Variants in PCDHGA7 observed in about 807,000 individuals in gnomAD.
The protein encoded by PCDHGA7 is protocadherin gamma subfamily A, 7.
A neutral mutation model predicts 58.3 loss-of-function variants in PCDHGA7; 44 were observed. The ratio of observed to expected loss-of-function variants is 0.75; its 90% CI spans 0.59 to 0.97. The LOEUF is 0.97. Among genes scored for constraint, PCDHGA7 ranks in the 50% least tolerant of loss-of-function variants. The pLI is 0.00. For synonymous variants in PCDHGA7, 516 were observed against 504.2 expected, an observed-to-expected ratio of 1.02 and a Z score of -0.31; for missense variants, 1,266 against 1,188.7, an observed-to-expected ratio of 1.06 and a Z score of -0.96.
Position 141,436,164 on chromosome 5 carries a change from A to G in PCDHGA7, c.2424+50841A>G, listed in dbSNP as rs896845015. Among the ~76,000 whole-genome samples, 8 of 152,188 alleles carry G rather than the reference A, an allele frequency of 5.3e-5. No homozygotes were observed. The East Asian group carries it at 1.3e-3, about 26-fold the overall frequency. ...AACTACCAAAATGTTTATCATATGG[A>G]CAGTTCTCATATATAGTCAAATAGA... On this transcript the variant is annotated intron_variant, in intron 1 of 3. Transcript: ENST00000518325.
chr5:141,397,820 C>G (rs2093573235), intron 1 of PCDHGA7, among the ~76,000 whole-genome samples: 1 of 152,240 alleles, frequency 6.6e-6, no homozygotes, highest in Non-Finnish European at 1.5e-5. Flanking sequence ...AAAACAATTA[C>G]TGCACTGGTT....
At chr5:141,421,993 A>G in intron 1 of PCDHGA7, 1 of 1,609,190 alleles carries the variant, frequency 6.2e-7, no homozygotes, top group South Asian at 1.1e-5. Flanking sequence ...TCCAGAAAAC[A>G]TCAGCTCCGG....
chr5:141,472,980 C>CAAAAAAAAA (rs60579131), intron 1 of PCDHGA7, among the ~76,000 whole-genome samples: 30 of 86,054 alleles, frequency 3.5e-4, no homozygotes, highest in African/African-American at 5.0e-4. Context: ...GAGTGAAACT[C>CAAAAAAAAA]AAAAAAAAAA....
rs767330174 is a variant in PCDHGA7, at chr5:141,491,818, C to T, written c.2425-2989C>T. The T allele has an allele frequency of 1.6e-5, 24 of 1,481,560 alleles. No homozygotes were observed. The highest frequency in any genetic ancestry group is 1.9e-5 in the Non-Finnish European group (21 of 1,116,446). 91.8% of individuals were successfully genotyped at this position (1,481,560 alleles called of 1,614,324 possible). A position where few individuals can be genotyped will look rare whatever the true frequency, so the allele number is the denominator to read the frequency against. On this transcript the variant is annotated intron_variant, in intron 1 of 3. Transcript: ENST00000518325. This position sits in a 1 kb window ranked among gnomAD's most constrained non-coding sequence, Gnocchi z 6.9. ...CTCCGGCCGGCTTGGTCGCTGGCTGCGCTCCACCCGATTCTCGGGATCATT... is the reference window on the plus strand; with the variant it reads ...CTCCGGCCGGCTTGGTCGCTGGCTGTGCTCCACCCGATTCTCGGGATCATT...
In PCDHGA7 at chr5:141,409,431, T is replaced by C. The variant is rs191277647; in HGVS notation, c.2424+24108T>C. 41 of 1,614,006 alleles carry C rather than the reference T, an allele frequency of 2.5e-5. No homozygotes were observed. In the African/African-American group the frequency reaches 3.9e-4, roughly 15 times the overall value. Reference sequence around the variant, plus strand: ...TACAAACTGGTGACAGATGGAGCCCTGGACCGAGAGCAGACACCAGAATAC... The same window carrying C: ...TACAAACTGGTGACAGATGGAGCCCCGGACCGAGAGCAGACACCAGAATAC... On this transcript the variant is annotated intron_variant, in intron 1 of 3. Transcript: ENST00000518325.
intron 1 of PCDHGA7, chr5:141,427,922 G>A: frequency 6.3e-7 from 1 of 1,580,742 alleles, no homozygotes; most frequent in Non-Finnish European, 8.6e-7. Flanking sequence ...ACATGAGCCG[G>A]CGCATGTTGG....
chr5:141,392,929 C>G, intron 1 of PCDHGA7: 2 of 1,613,888 alleles, frequency 1.2e-6, no homozygotes, highest in Non-Finnish European at 1.7e-6. Context: ...CCAGAAGAGA[C>G]GGACAAAGGC....
At chr5:141,411,097 A>C (rs2095464397) in intron 1 of PCDHGA7, 1 of 153,002 alleles carries the variant, frequency 6.5e-6, no homozygotes, top group Non-Finnish European at 1.4e-5. Flanking sequence ...TGATCCTCCC[A>C]CCTTGGCCTC....
chr5:141,462,202 C>T (rs188546035), intron 1 of PCDHGA7, among the ~76,000 whole-genome samples: 1,522 of 152,002 alleles, frequency 0.01, 33 homozygotes, highest in African/African-American at 0.034. Flanking sequence ...TCAGGTGATC[C>T]GCCTGCCTCG....
At position 141,486,778 on chromosome 5, in the gene PCDHGA7, G is replaced by A. The variant is rs750169906; in HGVS notation, c.2425-8029G>A. The A allele has an allele frequency of 1.2e-6, 2 of 1,614,104 alleles. No individual in the cohort carries two copies. Among genetic ancestry groups the A allele is most frequent in the Admixed American group, 1.7e-5 (1 of 60,006 alleles). ...AAACCCAGACACTGCAGTTTGAGGT[G>A]CAGGCCCGGGATCGGGGCAACCCAC... is the stretch of plus-strand genomic sequence containing the variant. On this transcript the variant is annotated intron_variant, in intron 1 of 3. Coordinates refer to ENST00000518325, the MANE Select transcript of PCDHGA7 (RefSeq NM_018920.4). This position sits in a 1 kb window ranked among gnomAD's most constrained non-coding sequence, Gnocchi z 5.0.
chr5:141,506,870 G>A (rs2099856877), intron 3 of PCDHGA7, among the ~76,000 whole-genome samples: 1 of 152,166 alleles, frequency 6.6e-6, no homozygotes, highest in East Asian at 1.9e-4. Flanking sequence ...GGTGGGTAGA[G>A]AACCAGGTGA....
At chr5:141,403,624 C>T (rs1269483770) in intron 1 of PCDHGA7, 3 of 1,613,924 alleles carry the variant, frequency 1.9e-6, no homozygotes. Context: ...GTCGCTCCAG[C>T]ACAGTGCGCA....
chr5:141,384,224 T>C lies in PCDHGA7; in HGVS notation c.1325T>C (p.Val442Ala), dbSNP rs753746250. 1 of 1,613,882 alleles carries C rather than the reference T, an allele frequency of 6.2e-7. No homozygotes were observed. Among genetic ancestry groups the C allele is most frequent in the Non-Finnish European group, 8.5e-7 (1 of 1,179,886 alleles). ...LSRETHIFMQVADTNDNPPTF... is the reference protein window; with the variant it reads ...LSRETHIFMQAADTNDNPPTF... ...AGGGAAACTCACATATTCATGCAGG[T>C]GGCAGACACCAACGATAACCCACCC... Residue 442 changes from valine (V) to alanine (A), a missense_variant, in exon 1 of 4, where the codon GTG becomes GCG. Coordinates refer to ENST00000518325, the MANE Select transcript of PCDHGA7 (RefSeq NM_018920.4).
chr5:141,509,144 G>C (rs969990007), intron 3 of PCDHGA7, among the ~76,000 whole-genome samples: 14 of 152,114 alleles, frequency 9.2e-5, no homozygotes, highest in Admixed American at 2.0e-4. Context: ...GGCGCATCCC[G>C]GCTCTCCCCT....
At chr5:141,396,487 G>A (rs1196823269) in intron 1 of PCDHGA7, 1 of 152,122 alleles carries the variant, frequency 6.6e-6, no homozygotes, top group Non-Finnish European at 1.5e-5. Flanking sequence ...AGGCATGGTG[G>A]CATGCGCCTG....
chr5:141,412,664 A>G (rs959517920), intron 1 of PCDHGA7: 10 of 152,288 alleles, frequency 6.6e-5, no homozygotes, highest in African/African-American at 2.4e-4. Flanking sequence ...AGACACTAAT[A>G]TGACCTAAAA....
At chr5:141,399,425 G>A (rs2093805755) in intron 1 of PCDHGA7, 1 of 1,613,990 alleles carries the variant, frequency 6.2e-7, no homozygotes. Context: ...TCCAGCATAA[G>A]CGTCATCCTA....
At chr5:141,448,782 T>C (rs2098606045) in intron 1 of PCDHGA7, among the ~76,000 whole-genome samples, 1 of 148,758 alleles carries the variant, frequency 6.7e-6, no homozygotes, top group Non-Finnish European at 1.5e-5. Flanking sequence ...GTACTAAAAA[T>C]ACAAAAAAAA....
chr5:141,419,375 T>G (rs755252910), intron 1 of PCDHGA7: 1 of 1,613,728 alleles, frequency 6.2e-7, no homozygotes, highest in Admixed American at 1.7e-5. Context: ...GTCCTACGTG[T>G]CCGTGAGCGC....
Sources: gnomAD v4.1 joint callset for allele counts (sites outside exome capture counted in the v4.1 genomes callset) on GRCh38, gnomAD v4.1.1 for gene constraint, Gnocchi (gnomAD v3.1) non-coding constraint, MANE v1.5 for transcripts, NCBI Gene and HGNC (gene_info 2026-07-23, HGNC 2026-07-21) for gene names.